ATP2A2: variants seen among roughly 807,000 people sequenced by gnomAD.
ATP2A2 encodes the protein ATPase sarcoplasmic/endoplasmic reticulum Ca2+ transporting 2, also known as sarcoplasmic/endoplasmic reticulum calcium ATPase 2.
ATP2A2 carries 14 observed loss-of-function variants against 109.3 expected under a neutral mutation model. The observed-to-expected ratio is 0.13, with a 90% CI of 0.08 to 0.20. The LOEUF (loss-of-function observed/expected upper bound fraction) is 0.20. ATP2A2 is among the 10% of genes least tolerant of loss of function. The pLI is 1.00. For missense variants in ATP2A2, 657 were observed against 1,321.6 expected (o/e 0.50, Z 7.80); for synonymous variants, 506 against 490.9 (o/e 1.03, Z -0.41).
At position 110,345,393 on chromosome 12, in the gene ATP2A2, C is replaced by T; in HGVS notation, c.2741+11C>T. The stretch of plus-strand genomic sequence containing the variant: ...TAACGCCCTCAACAGGTTAGTGCAC[C>T]TTCACGGCAGGCTGAGGCGAGCATG... On this transcript the variant is annotated intron_variant, in intron 18 of 19. Coordinates refer to ENST00000539276, the MANE Select transcript of ATP2A2 (RefSeq NM_170665.4). 3 of 1,614,148 alleles carry T rather than the reference C, an allele frequency of 1.9e-6. No individual in the cohort carries two copies. Among genetic ancestry groups the T allele is most frequent in the Non-Finnish European group, 2.5e-6 (3 of 1,180,018 alleles).
rs541700217 is a variant in ATP2A2, at chr12:110,314,952, C to T, written c.464-8040C>T. 8.3e-4 allele frequency among the ~76,000 whole-genome samples: 126 copies of T among 151,730 alleles called. 1 individual carries two copies. The highest frequency in any genetic ancestry group is 2.6e-3 in the African/African-American group (109 of 41,370). ...CATGATCTCAGCTCACTGCAAGCTCCGCCTCCTGGGTTCATGCCATTCTCC... is the reference window on the plus strand; with the variant it reads ...CATGATCTCAGCTCACTGCAAGCTCTGCCTCCTGGGTTCATGCCATTCTCC... On this transcript the variant is annotated intron_variant, in intron 5 of 19. Coordinates refer to ENST00000539276, the MANE Select transcript of ATP2A2 (RefSeq NM_170665.4).
intron 5 of ATP2A2, among the ~76,000 whole-genome samples, chr12:110,319,842 G>T (rs921858664): frequency 4.0e-5 from 6 of 151,786 alleles, no homozygotes; most frequent in Admixed American, 6.6e-5. Context: ...GTTAGATAAC[G>T]ATTGGATATC....
chr12:110,344,147 C>A (rs1879618500), intron 16 of ATP2A2, among the ~76,000 whole-genome samples: 2 of 152,124 alleles, frequency 1.3e-5, no homozygotes, highest in South Asian at 4.1e-4. Context: ...CTTGTCAGAT[C>A]CTTCCATATC....
chr12:110,319,223 GAAAAAAAAA>G (rs59623372), intron 5 of ATP2A2, among the ~76,000 whole-genome samples: 774 of 63,468 alleles, frequency 0.012, 10 homozygotes, highest in African/African-American at 0.044. Context: ...AATAAAAAAT[GAAAAAAAAA>G]AAAAAAAAAA....
At chr12:110,330,683 T>C (rs919523701) in intron 8 of ATP2A2, 15 of 152,360 alleles carry the variant, frequency 9.8e-5, no homozygotes, top group African/African-American at 3.4e-4. Flanking sequence ...CTTAAAATGT[T>C]TTCTTATAAT....
At chr12:110,294,012 G>A (rs983319543) in intron 4 of ATP2A2, among the ~76,000 whole-genome samples, 2 of 151,092 alleles carry the variant, frequency 1.3e-5, no homozygotes, top group Admixed American at 6.6e-5. Context: ...GAGTAGCTGG[G>A]ATTATAGGTG....
At position 110,349,143 on chromosome 12, in the gene ATP2A2, AG is replaced by A. The variant is rs1167755705; in HGVS notation, c.*2676del. 8.3e-5 allele frequency: 82 copies of A among 985,406 alleles called. No homozygotes were observed. Among genetic ancestry groups the A allele is most frequent in the Admixed American group, 1.2e-4 (2 of 16,268 alleles). 61.0% of individuals were successfully genotyped at this position (985,406 alleles called of 1,614,324 possible). A position where few individuals can be genotyped will look rare whatever the true frequency, so the allele number is the denominator to read the frequency against. On this transcript the variant is annotated 3_prime_UTR_variant, in exon 20 of 20. Transcript: ENST00000539276. ...GGTTAGGCCCACTGCTGTTTTGAGC[AG>A]GGCCACTTGCTCCATTTCACTGAAG...
At chr12:110,287,726 T>C (rs1031338403) in intron 3 of ATP2A2, among the ~76,000 whole-genome samples, 9 of 152,156 alleles carry the variant, frequency 5.9e-5, no homozygotes, top group Admixed American at 2.6e-4. Flanking sequence ...GTGATTCTCC[T>C]GCCTCAGCCT....
In ATP2A2 at chr12:110,332,575, CTGA is replaced by C. The variant is rs1291780592; in HGVS notation, c.1096-19_1096-17del. The C allele has an allele frequency of 6.3e-7, 1 of 1,578,970 alleles. No homozygotes were observed. Among genetic ancestry groups the C allele is most frequent in the South Asian group, 1.1e-5 (1 of 90,380 alleles). On this transcript the variant is annotated intron_variant, in intron 8 of 19. Transcript: ENST00000539276. ...TTTTTAAAAATCCCTTTTAAATACT[CTGA>C]TGCGCTCTCCCCCTACAGATGTTCA...
In ATP2A2 at chr12:110,347,630, G is replaced by C. The variant is rs962916635; in HGVS notation, c.*1160G>C. 20 of 1,191,192 alleles carry C rather than the reference G, an allele frequency of 1.7e-5. No individual in the cohort carries two copies. The highest frequency in any genetic ancestry group is 5.3e-6 in the Non-Finnish European group (5 of 941,770). The allele number at this position is 1,191,192 out of a possible 1,614,324, so 73.8% of individuals were successfully genotyped here. On this transcript the variant is annotated 3_prime_UTR_variant, in exon 20 of 20. Transcript: ENST00000539276. ...TAGCACATGACCAAATGAACATATTGTATAGAACTATTTTTATTTGAATGT... is the reference window on the plus strand; with the variant it reads ...TAGCACATGACCAAATGAACATATTCTATAGAACTATTTTTATTTGAATGT...
intron 5 of ATP2A2, among the ~76,000 whole-genome samples, chr12:110,297,974 G>T (rs568986892): frequency 2.6e-5 from 4 of 152,214 alleles, no homozygotes; most frequent in South Asian, 2.1e-4. Context: ...TGGGTTGTTT[G>T]TTTTGGCTAT....
At chr12:110,317,409 GGTTT>G (rs780979763) in intron 5 of ATP2A2, among the ~76,000 whole-genome samples, 4 of 145,526 alleles carry the variant, frequency 2.7e-5, no homozygotes, top group East Asian at 1.9e-4. Flanking sequence ...GCTGATTTTT[GGTTT>G]GTTTGGGTTT....
chr12:110,304,858 A>G (rs1875093035), intron 5 of ATP2A2, among the ~76,000 whole-genome samples: 1 of 152,192 alleles, frequency 6.6e-6, no homozygotes, highest in African/African-American at 2.4e-5. Context: ...ATTAGCCAGT[A>G]TATATGATCC....
At chr12:110,312,914 G>A (rs1876246919) in intron 5 of ATP2A2, among the ~76,000 whole-genome samples, 2 of 151,244 alleles carry the variant, frequency 1.3e-5, no homozygotes, top group South Asian at 2.1e-4. Context: ...TGTAAATCCT[G>A]GAAGCTATAC....
intron 5 of ATP2A2, among the ~76,000 whole-genome samples, chr12:110,306,567 ATGTGTACTCAG>A (rs1875356802): frequency 6.6e-6 from 1 of 152,010 alleles, no homozygotes; most frequent in East Asian, 1.9e-4. Context: ...CTTAATGGCT[ATGTGTACTCAG>A]TGTTTAGCTC....
chr12:110,343,631 C>T (rs756092593), intron 16 of ATP2A2, among the ~76,000 whole-genome samples, 197 bp downstream of exon 16: 33 of 152,178 alleles, frequency 2.2e-4, no homozygotes, highest in Non-Finnish European at 1.6e-4. Context: ...CCAGTTTTAG[C>T]ATCCTGCCCT....
intron 8 of ATP2A2, 124 bp from the exon 9 acceptor site, chr12:110,332,473 T>C: frequency 1.2e-6 from 1 of 847,996 alleles, no homozygotes; most frequent in Non-Finnish European, 2.0e-6. Context: ...GTGAGTTTTA[T>C]TAAAGTTGTT....
At chr12:110,317,160 G>T (rs1362134518) in intron 5 of ATP2A2, among the ~76,000 whole-genome samples, 1 of 152,100 alleles carries the variant, frequency 6.6e-6, no homozygotes, top group African/African-American at 2.4e-5. Flanking sequence ...TTGGAAACAC[G>T]GTGAAAATTT....
Position 110,294,200 on chromosome 12 carries a change from C to A in ATP2A2, c.324+2076C>A, listed in dbSNP as rs935354099. Among the ~76,000 whole-genome samples the A allele has an allele frequency of 3.9e-5, 6 of 152,102 alleles. No homozygotes were observed. In the East Asian group the frequency reaches 1.2e-3, roughly 30 times the overall value. On this transcript the variant is annotated intron_variant, in intron 4 of 19. Transcript: ENST00000539276. ...CTGGGATTACAGGTGCCCACCACCA[C>A]GCCCAGCTAATTTTTTGTACTTTTA...
Sources: gnomAD v4.1 joint callset for allele counts (sites outside exome capture counted in the v4.1 genomes callset) on GRCh38, gnomAD v4.1.1 for gene constraint, MANE v1.5 for transcripts, NCBI Gene and HGNC (gene_info 2026-07-23, HGNC 2026-07-21) for gene names.